TCF7L1: variants seen among roughly 807,000 people sequenced by gnomAD.
The protein encoded by TCF7L1 is transcription factor 7-like 1.
A neutral mutation model predicts 63.7 loss-of-function variants in TCF7L1; 18 were observed. The ratio of observed to expected loss-of-function variants is 0.28; its 90% CI spans 0.20 to 0.42. The LOEUF is 0.42. TCF7L1 is among the 10% of genes least tolerant of loss of function. The probability of loss-of-function intolerance (pLI) is 1.00; values close to 1 mark genes in which losing one functional copy is unlikely to be tolerated. For synonymous variants in TCF7L1, 355 were observed against 340.9 expected (o/e 1.04, Z -0.46); for missense variants, 654 against 779.3 (o/e 0.84, Z 1.91).
rs112217440 is a variant in TCF7L1 at position 85,271,098 on chromosome 2, G to A, written c.442-12397G>A. 3.3e-3 allele frequency among the ~76,000 whole-genome samples: 503 copies of A among 151,834 alleles called. 4 individuals carry two copies. Among genetic ancestry groups the A allele is most frequent in the African/African-American group, 0.011 (476 of 41,394 alleles). On this transcript the variant is annotated intron_variant, in intron 3 of 11. Transcript: ENST00000282111. ...GTGCCAGTGTCGAGGAAATCCAACA[G>A]CCTCCAGCAGGCTCAATTTCCTTTG...
intron 7 of TCF7L1, among the ~76,000 whole-genome samples, chr2:85,304,645 G>A (rs1682061235): frequency 6.6e-6 from 1 of 152,130 alleles, no homozygotes; most frequent in South Asian, 2.1e-4. Flanking sequence ...ATGGAGCCGC[G>A]TCCTGATAAA....
chr2:85,140,052 A>T (rs1677686696), intron 3 of TCF7L1, among the ~76,000 whole-genome samples: 1 of 152,142 alleles, frequency 6.6e-6, no homozygotes, highest in Non-Finnish European at 1.5e-5. Flanking sequence ...GAAAGGTGGG[A>T]TGGGAGGAAA....
intron 3 of TCF7L1, among the ~76,000 whole-genome samples, chr2:85,219,242 T>C (rs1679786302): frequency 6.6e-6 from 1 of 152,134 alleles, no homozygotes; most frequent in African/African-American, 2.4e-5. Context: ...ACTAAAACAA[T>C]GAGACGGCAA....
At chr2:85,148,897 G>A (rs1677943091) in intron 3 of TCF7L1, among the ~76,000 whole-genome samples, 1 of 150,640 alleles carries the variant, frequency 6.6e-6, no homozygotes, top group South Asian at 2.1e-4. Flanking sequence ...TCCTGCCTCA[G>A]CCTCCTGAGT....
At chr2:85,281,610 G>A (rs1681422531) in intron 3 of TCF7L1, among the ~76,000 whole-genome samples, 1 of 152,120 alleles carries the variant, frequency 6.6e-6, no homozygotes, top group Non-Finnish European at 1.5e-5. Context: ...GTCAGCAGAG[G>A]ACAGGGACAG....
intron 4 of TCF7L1, among the ~76,000 whole-genome samples, chr2:85,289,805 G>A (rs1192458420): frequency 6.6e-6 from 1 of 151,552 alleles, no homozygotes; most frequent in Non-Finnish European, 1.5e-5. Context: ...CCGAGTACCT[G>A]GGATTACAGG....
intron 3 of TCF7L1, among the ~76,000 whole-genome samples, chr2:85,206,517 A>G (rs1369148360): frequency 2.0e-5 from 3 of 152,224 alleles, no homozygotes; most frequent in Non-Finnish European, 4.4e-5. Flanking sequence ...TTTGTAAGTC[A>G]TGATTTCATT....
At chr2:85,216,175 CA>C (rs1267031304) in intron 3 of TCF7L1, among the ~76,000 whole-genome samples, 1 of 152,104 alleles carries the variant, frequency 6.6e-6, no homozygotes, top group East Asian at 1.9e-4. Flanking sequence ...AGATTTTATT[CA>C]AAAGGGAAGA....
rs1204994172 is a variant in TCF7L1, at chr2:85,304,264, G to A, written c.771G>A (p.Gln257=). 6.2e-7 allele frequency: 1 copy of A among 1,613,678 alleles called. No homozygotes were observed. Among genetic ancestry groups the A allele is most frequent in the East Asian group, 2.2e-5 (1 of 44,874 alleles). Residue 257 remains glutamine, a synonymous_variant, in exon 7 of 12, where the codon CAG becomes CAA. Transcript: ENST00000282111. The part of the protein sequence containing the change: ...PLGWLVPQQG[Q]PMYSLPPGGF... Reference sequence around the variant, plus strand: ...TTCCTCCCCCTCACAGGCAAGGCCAGCCCATGTACTCCCTTCCTCCCGGTG... The same window carrying A: ...TTCCTCCCCCTCACAGGCAAGGCCAACCCATGTACTCCCTTCCTCCCGGTG...
intron 4 of TCF7L1, among the ~76,000 whole-genome samples, chr2:85,294,543 A>G: frequency 6.6e-6 from 1 of 152,128 alleles, no homozygotes; most frequent in South Asian, 2.1e-4. Flanking sequence ...AATGGTAAAC[A>G]CCCAGTTTTA....
At chr2:85,147,362 G>T (rs1330876383) in intron 3 of TCF7L1, among the ~76,000 whole-genome samples, 1 of 152,118 alleles carries the variant, frequency 6.6e-6, no homozygotes, top group African/African-American at 2.4e-5. Flanking sequence ...CCGAACTAGG[G>T]ATTGCTTGTG....
intron 4 of TCF7L1, among the ~76,000 whole-genome samples, chr2:85,288,727 G>A (rs560728060): frequency 6.6e-6 from 1 of 152,124 alleles, no homozygotes; most frequent in Admixed American, 6.5e-5. Flanking sequence ...TTCAAAACAA[G>A]CTCTAAAGAC....
At chr2:85,273,056 G>A (rs1193113126) in intron 3 of TCF7L1, among the ~76,000 whole-genome samples, 1 of 152,170 alleles carries the variant, frequency 6.6e-6, no homozygotes, top group Non-Finnish European at 1.5e-5. Context: ...CCTGGGAGGC[G>A]GGGAGGGCAT....
chr2:85,259,622 G>A (rs1680812455), intron 3 of TCF7L1, among the ~76,000 whole-genome samples: 1 of 152,178 alleles, frequency 6.6e-6, no homozygotes, highest in Admixed American at 6.5e-5. Context: ...GTGGGATAAT[G>A]GAGACTGAAA....
At chr2:85,233,589 C>T (rs896539043) in intron 3 of TCF7L1, among the ~76,000 whole-genome samples, 1 of 152,142 alleles carries the variant, frequency 6.6e-6, no homozygotes, top group African/African-American at 2.4e-5. Flanking sequence ...ACTGGGATTA[C>T]CAGCGTGAGC....
At chr2:85,177,577 T>C (rs994884998) in intron 3 of TCF7L1, among the ~76,000 whole-genome samples, 1 of 152,072 alleles carries the variant, frequency 6.6e-6, no homozygotes, top group Non-Finnish European at 1.5e-5. Context: ...TGGTGGCGCA[T>C]GCCTGTAGTC....
At chr2:85,171,080 G>T (rs367620652) in intron 3 of TCF7L1, among the ~76,000 whole-genome samples, 85 of 152,304 alleles carry the variant, frequency 5.6e-4, no homozygotes, top group African/African-American at 2.0e-3. Flanking sequence ...TGGCTGGGGA[G>T]GCCTCACAGC....
chr2:85,309,905 GTTC>G lies in TCF7L1; in HGVS notation c.*450_*452del, dbSNP rs1275268235. The stretch of plus-strand genomic sequence containing the variant: ...TTTCATCGTCTGCTCAATACCGTGG[GTTC>G]TTCTTCGTCCTCTGTCCTCTGCCCA... On this transcript the variant is annotated 3_prime_UTR_variant, in exon 12 of 12. Coordinates refer to ENST00000282111, the MANE Select transcript of TCF7L1 (RefSeq NM_031283.3). The G allele has an allele frequency of 1.3e-5, 2 of 159,088 alleles. No individual in the cohort carries two copies. The highest frequency in any genetic ancestry group is 4.8e-5 in the African/African-American group (2 of 41,596). 9.9% of individuals were successfully genotyped at this position (159,088 alleles called of 1,614,324 possible).
intron 3 of TCF7L1, among the ~76,000 whole-genome samples, chr2:85,244,875 G>A (rs1276032401): frequency 1.3e-5 from 2 of 152,158 alleles, no homozygotes; most frequent in African/African-American, 4.8e-5. Context: ...AGCAAGAACT[G>A]GCAAAGGAGA....
Sources: gnomAD v4.1 joint callset for allele counts (sites outside exome capture counted in the v4.1 genomes callset) on GRCh38, gnomAD v4.1.1 for gene constraint, MANE v1.5 for transcripts, NCBI Gene and HGNC (gene_info 2026-07-23, HGNC 2026-07-21) for gene names.